Variants in WWOX observed in about 807,000 individuals in gnomAD.
WWOX encodes WW domain containing oxidoreductase.
A neutral mutation model predicts 46.2 loss-of-function variants in WWOX; 69 were observed. The ratio of observed to expected loss-of-function variants is 1.49; its 90% CI spans 1.23 to 1.82. The LOEUF (loss-of-function observed/expected upper bound fraction) is 1.82, where lower values mean the gene tolerates loss of function less well. Among genes scored for constraint, WWOX ranks in the 40% most tolerant of loss-of-function variants. WWOX has a pLI of 0.00. For missense variants in WWOX, 919 were observed against 542.6 expected, an observed-to-expected ratio of 1.69 and a Z score of -6.89; for synonymous variants, 359 against 202.6, an observed-to-expected ratio of 1.77 and a Z score of -6.56.
chr16:78,727,690 A>G (rs2142373191), intron 8 of WWOX, among the ~76,000 whole-genome samples: 1 of 152,180 alleles, frequency 6.6e-6, no homozygotes, highest in South Asian at 2.1e-4. Context: ...TTTCAGTAAC[A>G]ACTGAAAGGC....
At chr16:79,048,120 G>A (rs1034061363) in intron 8 of WWOX, among the ~76,000 whole-genome samples, 5 of 152,078 alleles carry the variant, frequency 3.3e-5, no homozygotes, top group Admixed American at 2.0e-4. Flanking sequence ...TCACAGACAC[G>A]GAAAATCATT....
chr16:78,912,852 A>T (rs998285061), intron 8 of WWOX, among the ~76,000 whole-genome samples: 1 of 152,006 alleles, frequency 6.6e-6, no homozygotes, highest in Non-Finnish European at 1.5e-5. Context: ...ACGTATTATC[A>T]TTGGTTAGAT....
intron 4 of WWOX, among the ~76,000 whole-genome samples, chr16:78,159,683 T>G (rs1410361781): frequency 6.7e-6 from 1 of 149,358 alleles, no homozygotes; most frequent in Non-Finnish European, 1.5e-5. Context: ...TTTTTTTTTT[T>G]TTTTTTTTTT....
At chr16:78,875,256 A>G (rs1004651777) in intron 8 of WWOX, among the ~76,000 whole-genome samples, 2 of 152,032 alleles carry the variant, frequency 1.3e-5, no homozygotes, top group African/African-American at 2.4e-5. Flanking sequence ...TTAGGGTTCT[A>G]CCACTCCCAG....
chr16:78,417,040 G>GGGTGTGTGTGTGTGT (rs58277331), intron 6 of WWOX, among the ~76,000 whole-genome samples: 1 of 151,264 alleles, frequency 6.6e-6, no homozygotes, highest in African/African-American at 2.4e-5. Context: ...ACCCTTTGGG[G>GGGTGTGTGTGTGTGT]GTGTGTGTGT....
chr16:78,579,437 A>T (rs2044991418), intron 8 of WWOX, among the ~76,000 whole-genome samples: 1 of 152,160 alleles, frequency 6.6e-6, no homozygotes, highest in African/African-American at 2.4e-5. Context: ...CTCAGGCTGA[A>T]GGATCATGGG....
rs76289387 is a variant in WWOX at position 78,893,545 on chromosome 16, C to G, written c.1057-318063C>G. On this transcript the variant is annotated intron_variant, in intron 8 of 8. Transcript: ENST00000566780. Reference sequence around the variant, plus strand: ...GACACTTCCTCCTCCACCCACTCCTCTCTCAGACTCAGCTCCTTCCACTTC... The same window carrying G: ...GACACTTCCTCCTCCACCCACTCCTGTCTCAGACTCAGCTCCTTCCACTTC... 5.2e-4 allele frequency among the ~76,000 whole-genome samples: 79 copies of G among 152,328 alleles called. 4 individuals carry two copies. In the East Asian group the frequency reaches 0.014, roughly 28 times the overall value.
At chr16:78,764,075 G>A (rs1249185503) in intron 8 of WWOX, among the ~76,000 whole-genome samples, 1 of 152,176 alleles carries the variant, frequency 6.6e-6, no homozygotes, top group Non-Finnish European at 1.5e-5. Context: ...AGATCCAGAA[G>A]GGTTGATGTG....
chr16:79,086,880 C>G (rs1339503066), intron 8 of WWOX, among the ~76,000 whole-genome samples: 1 of 152,120 alleles, frequency 6.6e-6, no homozygotes, highest in Non-Finnish European at 1.5e-5. Context: ...GAGACCCTGT[C>G]CCAAAACAAA....
chr16:79,113,372 G>A (rs1243675934), intron 8 of WWOX, among the ~76,000 whole-genome samples: 1 of 152,176 alleles, frequency 6.6e-6, no homozygotes, highest in East Asian at 1.9e-4. Flanking sequence ...CAAAGAAACT[G>A]GAGTACTTAC....
At chr16:78,675,780 C>G (rs2047583259) in intron 8 of WWOX, among the ~76,000 whole-genome samples, 2 of 152,086 alleles carry the variant, frequency 1.3e-5, no homozygotes, top group Non-Finnish European at 2.9e-5. Context: ...TTGAGACCAG[C>G]CTGGGCAACA....
intron 8 of WWOX, among the ~76,000 whole-genome samples, chr16:78,992,818 T>G (rs1235093613): frequency 6.6e-6 from 1 of 152,136 alleles, no homozygotes; most frequent in African/African-American, 2.4e-5. Flanking sequence ...CAAAAGTCAC[T>G]GAATGCTAAG....
rs573472140 is a variant in WWOX, at chr16:79,052,844, A to C, written c.1057-158764A>C. ...GCACTGAGGAGCAAGCATTTCTAAC[A>C]ATCATATTGCTTAAGAAGTGGATGG... On this transcript the variant is annotated intron_variant, in intron 8 of 8. Coordinates refer to ENST00000566780, the MANE Select transcript of WWOX (RefSeq NM_016373.4). Among the ~76,000 whole-genome samples, 24 of 152,264 alleles carry C rather than the reference A, an allele frequency of 1.6e-4. No individual in the cohort carries two copies. In the South Asian group the frequency reaches 5.0e-3, roughly 32 times the overall value.
At chr16:78,553,262 C>T (rs1473279952) in intron 8 of WWOX, 1 of 152,302 alleles carries the variant, frequency 6.6e-6, no homozygotes, top group African/African-American at 2.4e-5. Flanking sequence ...GCACATCCTG[C>T]ACATGTACCC....
At chr16:78,560,531 C>G (rs752538732) in intron 8 of WWOX, among the ~76,000 whole-genome samples, 2 of 152,160 alleles carry the variant, frequency 1.3e-5, no homozygotes, top group Non-Finnish European at 2.9e-5. Flanking sequence ...GTAATCCCAG[C>G]TACTTGGGAG....
chr16:78,460,846 G>T (rs764585307), intron 8 of WWOX, among the ~76,000 whole-genome samples: 13 of 152,202 alleles, frequency 8.5e-5, no homozygotes, highest in African/African-American at 3.1e-4. Flanking sequence ...GCTCTGTTAC[G>T]TGAGGACACA....
At chr16:78,356,428 G>T (rs1265837209) in intron 5 of WWOX, among the ~76,000 whole-genome samples, 1 of 152,052 alleles carries the variant, frequency 6.6e-6, no homozygotes, top group Non-Finnish European at 1.5e-5. Flanking sequence ...GTGGACCCGT[G>T]GGAAAATCTC....
intron 8 of WWOX, among the ~76,000 whole-genome samples, chr16:79,021,816 A>G (rs997917619): frequency 6.6e-6 from 1 of 152,218 alleles, no homozygotes; most frequent in Non-Finnish European, 1.5e-5. Flanking sequence ...AGGAGTCTGC[A>G]CTAGCTTGTA....
intron 8 of WWOX, among the ~76,000 whole-genome samples, chr16:79,035,352 A>G (rs1328076013): frequency 1.3e-5 from 2 of 152,152 alleles, no homozygotes. Flanking sequence ...TGTCTAGAAT[A>G]TTGTACCAAG....
Sources: allele counts gnomAD v4.1 joint callset (sites outside exome capture counted in the v4.1 genomes callset), GRCh38; gene constraint gnomAD v4.1.1; transcripts MANE v1.5; gene names NCBI Gene and HGNC (gene_info 2026-07-23, HGNC 2026-07-21).